The following ABCG2 variants were observed in gnomAD, a reference collection of about 807,000 sequenced individuals.
ABCG2 encodes the protein broad substrate specificity ATP-binding cassette transporter ABCG2.
ABCG2 carries 80 observed loss-of-function variants against 73.5 expected under a neutral mutation model. That is an observed-to-expected ratio of 1.09 (90% CI 0.91 to 1.31). The LOEUF (loss-of-function observed/expected upper bound fraction) is 1.31, where lower values mean the gene tolerates loss of function less well. Among genes scored for constraint, ABCG2 ranks in the 50% most tolerant of loss-of-function variants. ABCG2 has a pLI of 0.00. For missense variants in ABCG2, 796 were observed against 786.2 expected (o/e 1.01, Z -0.15); for synonymous variants, 269 against 282.4 (o/e 0.95, Z 0.48).
Position 88,091,595 on chromosome 4 carries a change from T to G in ABCG2, c.*639A>C, listed in dbSNP as rs2110164441. The G allele has an allele frequency of 1.3e-5, 2 of 152,344 alleles. 1 individual carries two copies. Among genetic ancestry groups the G allele is most frequent in the Non-Finnish European group, 2.9e-5 (2 of 68,050 alleles). 9.4% of individuals were successfully genotyped at this position (152,344 alleles called of 1,614,324 possible). On this transcript the variant is annotated 3_prime_UTR_variant, in exon 16 of 16. Coordinates refer to ENST00000237612, the MANE Select transcript of ABCG2 (RefSeq NM_004827.3). Reference sequence around the variant, plus strand: ...TGTTCCAGAAATGGTGCAAGAATTCTATTACTGGACTCCTGGCCCTCTACT... The same window carrying G: ...TGTTCCAGAAATGGTGCAAGAATTCGATTACTGGACTCCTGGCCCTCTACT...
chr4:88,128,819 T>C (rs1724621502), intron 5 of ABCG2, among the ~76,000 whole-genome samples: 1 of 152,104 alleles, frequency 6.6e-6, no homozygotes, highest in Admixed American at 6.6e-5. Flanking sequence ...ATACCGAATG[T>C]AGATGATGGG....
At chr4:88,159,080 G>A (rs1219912327), upstream of ABCG2, 4 of 454,960 alleles carry the variant, frequency 8.8e-6, no homozygotes, top group East Asian at 2.8e-4. Flanking sequence ...CCCTCCCTCG[G>A]GGCTAGGGTC....
Position 88,178,538 on chromosome 4 carries a change from C to T in ABCG2, c.-19-38524G>A, listed in dbSNP as rs1483151674. Among the ~76,000 whole-genome samples the T allele has an allele frequency of 3.3e-5, 5 of 152,226 alleles. No homozygotes were observed. In the South Asian group the frequency reaches 1.0e-3, roughly 32 times the overall value. The stretch of plus-strand genomic sequence containing the variant: ...CTACTTCTGCTTAAGAAAAGGAGTA[C>T]TCTCAAGTGTAATGAAGACTTTGTC... On this transcript the variant is annotated intron_variant, in intron 1 of 15. Transcript: ENST00000515655.
chr4:88,212,923 G>C (rs1729660071), intron 1 of ABCG2, among the ~76,000 whole-genome samples: 2 of 152,044 alleles, frequency 1.3e-5, no homozygotes, highest in Non-Finnish European at 1.5e-5. Flanking sequence ...TTTTGAGACA[G>C]GGTTTTGCCC....
intron 1 of ABCG2, among the ~76,000 whole-genome samples, chr4:88,174,049 A>G (rs1292950837): frequency 6.6e-6 from 1 of 152,160 alleles, no homozygotes; most frequent in Non-Finnish European, 1.5e-5. Flanking sequence ...TGCTATCTTC[A>G]ATACCTCAGA....
At chr4:88,179,894 C>A (rs1163778901) in intron 1 of ABCG2, among the ~76,000 whole-genome samples, 1 of 151,988 alleles carries the variant, frequency 6.6e-6, no homozygotes, top group African/African-American at 2.4e-5. Flanking sequence ...AGAACACATG[C>A]ACACATCAAG....
chr4:88,091,114 G>GTACT lies in ABCG2; in HGVS notation c.*1119_*1120insAGTA, dbSNP rs1441012683. On this transcript the variant is annotated 3_prime_UTR_variant, in exon 16 of 16. Coordinates refer to ENST00000237612, the MANE Select transcript of ABCG2 (RefSeq NM_004827.3). ...TCAAAAATAACCCAGGGGTAAGGAAGGAAGTAGTGACTGGGAGAATGGCTG... is the reference window on the plus strand; with the variant it reads ...TCAAAAATAACCCAGGGGTAAGGAAGTACTGAAGTAGTGACTGGGAGAATGGCTG... 2.0e-5 allele frequency: 3 copies of GTACT among 152,198 alleles called. No homozygotes were observed. The highest frequency in any genetic ancestry group is 2.0e-4 in the Admixed American group (3 of 15,286). The allele number at this position is 152,198 out of a possible 1,614,324, so 9.4% of individuals were successfully genotyped here.
Position 88,099,326 on chromosome 4 carries a change from A to G in ABCG2, c.1490T>C (p.Leu497Ser). 1 of 1,591,316 alleles carries G rather than the reference A, an allele frequency of 6.3e-7. No individual in the cohort carries two copies. Among genetic ancestry groups the G allele is most frequent in the South Asian group, 1.2e-5 (1 of 86,014 alleles). Reference sequence around the variant, plus strand: ...TTTTTGTTTTGTTACATACTTACCTAACATGAAGTACACTATACAGGTAAA... The same window carrying G: ...TTTTTGTTTTGTTACATACTTACCTGACATGAAGTACACTATACAGGTAAA... The part of the protein sequence containing the change: ...IIFTCIVYFM[L>S]GLKPKADAFF... The change falls in exon 12 of 16, where the codon TTA becomes TCA. Residue 497 changes from leucine (L) to serine (S), a missense_variant and splice_region_variant. Coordinates refer to ENST00000237612, the MANE Select transcript of ABCG2 (RefSeq NM_004827.3).
At chr4:88,207,170 A>G (rs1367207351) in intron 1 of ABCG2, among the ~76,000 whole-genome samples, 2 of 152,230 alleles carry the variant, frequency 1.3e-5, no homozygotes, top group Non-Finnish European at 2.9e-5. Flanking sequence ...TTCATAATCC[A>G]ATGGAGAAAT....
intron 1 of ABCG2, among the ~76,000 whole-genome samples, chr4:88,228,100 T>C (rs909966717): frequency 3.9e-5 from 6 of 152,200 alleles, no homozygotes; most frequent in Non-Finnish European, 7.3e-5. Flanking sequence ...CTTTGTACAG[T>C]TGGATAATGT....
intron 1 of ABCG2, among the ~76,000 whole-genome samples, chr4:88,230,056 G>A (rs1350430532): frequency 2.7e-5 from 4 of 149,376 alleles, no homozygotes; most frequent in South Asian, 4.2e-4. Flanking sequence ...ACAATGGCGC[G>A]GTCTTAGCTC....
At chr4:88,167,100 C>T (rs1207435821) in intron 1 of ABCG2, among the ~76,000 whole-genome samples, 1 of 150,392 alleles carries the variant, frequency 6.6e-6, no homozygotes, top group Admixed American at 6.7e-5. Flanking sequence ...TTAGGCTTTG[C>T]TCAGGGTATC....
At chr4:88,190,122 C>A (rs1462973326) in intron 1 of ABCG2, among the ~76,000 whole-genome samples, 1 of 152,152 alleles carries the variant, frequency 6.6e-6, no homozygotes, top group East Asian at 1.9e-4. Flanking sequence ...ATTCCTTTAA[C>A]TACAAGAGTT....
intron 1 of ABCG2, among the ~76,000 whole-genome samples, chr4:88,178,156 G>A (rs976221141): frequency 2.6e-5 from 4 of 152,162 alleles, no homozygotes; most frequent in Admixed American, 2.6e-4. Flanking sequence ...ACAGCTCTGG[G>A]AGAAACTCCT....
At chr4:88,224,486 C>T (rs1480903738) in intron 1 of ABCG2, among the ~76,000 whole-genome samples, 2 of 141,338 alleles carry the variant, frequency 1.4e-5, no homozygotes, top group East Asian at 4.2e-4. Context: ...TAAAAAGTGT[C>T]CTCTTTTTTG....
chr4:88,138,973 T>G (rs1383340278), intron 2 of ABCG2, among the ~76,000 whole-genome samples: 1 of 151,996 alleles, frequency 6.6e-6, no homozygotes. Flanking sequence ...AAACCCCATC[T>G]TGACTAAAAA....
intron 10 of ABCG2, among the ~76,000 whole-genome samples, chr4:88,105,858 A>G (rs1722733950): frequency 6.6e-6 from 1 of 152,184 alleles, no homozygotes; most frequent in African/African-American, 2.4e-5. Flanking sequence ...AAAAAAACAA[A>G]CAATTCAATT....
chr4:88,210,668 C>T (rs535061667), intron 1 of ABCG2, among the ~76,000 whole-genome samples: 44 of 151,222 alleles, frequency 2.9e-4, no homozygotes, highest in Admixed American at 1.9e-3. Flanking sequence ...TCATAGCTCA[C>T]TGCAGCCTCA....
intron 1 of ABCG2, among the ~76,000 whole-genome samples, chr4:88,175,345 C>T (rs1311530125): frequency 6.6e-6 from 1 of 152,150 alleles, no homozygotes; most frequent in Non-Finnish European, 1.5e-5. Context: ...TTTCTCTCTT[C>T]TTTTGATGAT....
Sources: gnomAD v4.1 joint callset for allele counts (sites outside exome capture counted in the v4.1 genomes callset) on GRCh38, gnomAD v4.1.1 for gene constraint, MANE v1.5 for transcripts, NCBI Gene and HGNC (gene_info 2026-07-23, HGNC 2026-07-21) for gene names.